The following GRID2 variants were observed in gnomAD, a reference collection of about 807,000 sequenced individuals.
GRID2 encodes glutamate receptor ionotropic, delta-2.
Under a neutral mutation model 114.8 loss-of-function variants are expected in GRID2, and 33 were observed. That is an observed-to-expected ratio of 0.29 (90% CI 0.22 to 0.38). GRID2 has a LOEUF of 0.38. Ranked by LOEUF, GRID2 falls within the 10% of genes least tolerant of loss-of-function variation. The pLI is 1.00. For synonymous variants in GRID2, 505 were observed against 449.9 expected, an observed-to-expected ratio of 1.12 and a Z score of -1.55; for missense variants, 1,184 against 1,257.7, an observed-to-expected ratio of 0.94 and a Z score of 0.89.
At chr4:92,562,024 T>C (rs1420354721) in intron 1 of GRID2, among the ~76,000 whole-genome samples, 4 of 152,208 alleles carry the variant, frequency 2.6e-5, no homozygotes, top group African/African-American at 9.7e-5. Flanking sequence ...TACAAATAAA[T>C]AACTTTGTTT....
intron 8 of GRID2, among the ~76,000 whole-genome samples, chr4:93,377,826 G>A (rs1168715842): frequency 6.6e-6 from 1 of 151,596 alleles, no homozygotes; most frequent in African/African-American, 2.4e-5. Context: ...ACTTGCTACA[G>A]TAACCTGGCA....
chr4:92,932,200 A>G (rs972453768), intron 2 of GRID2, among the ~76,000 whole-genome samples: 2 of 151,436 alleles, frequency 1.3e-5, no homozygotes, highest in African/African-American at 2.4e-5. Flanking sequence ...TATTTAAACA[A>G]CTTTTATGAG....
At chr4:93,755,111 A>G (rs1732634766) in intron 14 of GRID2, among the ~76,000 whole-genome samples, 1 of 152,182 alleles carries the variant, frequency 6.6e-6, no homozygotes, top group South Asian at 2.1e-4. Context: ...CCCTTTCATA[A>G]CAGCAACGTA....
At chr4:93,299,427 CGG>C (rs59896790) in intron 8 of GRID2, among the ~76,000 whole-genome samples, 1 of 149,742 alleles carries the variant, frequency 6.7e-6, no homozygotes, top group Non-Finnish European at 1.5e-5. Flanking sequence ...CTGTTTGAAA[CGG>C]GGAAAAAAAA....
chr4:93,616,066 C>G (rs1164220915), intron 13 of GRID2, among the ~76,000 whole-genome samples: 2 of 152,104 alleles, frequency 1.3e-5, no homozygotes, highest in African/African-American at 4.8e-5. Flanking sequence ...TCTAAAGGAG[C>G]TAGTTATCTC....
chr4:92,799,833 T>C (rs1740069311), intron 2 of GRID2, among the ~76,000 whole-genome samples: 2 of 152,022 alleles, frequency 1.3e-5, no homozygotes, highest in Admixed American at 6.6e-5. Context: ...AAAATTATTT[T>C]TGATAGACTA....
intron 2 of GRID2, among the ~76,000 whole-genome samples, chr4:92,924,081 A>G (rs888736372): frequency 6.6e-6 from 1 of 152,150 alleles, no homozygotes; most frequent in Non-Finnish European, 1.5e-5. Context: ...AAAAAAGGAT[A>G]AGTTCGTGTC....
chr4:93,655,035 C>T (rs1169466117), intron 14 of GRID2, among the ~76,000 whole-genome samples: 1 of 152,132 alleles, frequency 6.6e-6, no homozygotes, highest in Non-Finnish European at 1.5e-5. Flanking sequence ...CCCCATTTGG[C>T]TGCTCTTTTC....
In GRID2 at chr4:93,346,159, T is replaced by C. The variant is rs544209602; in HGVS notation, c.1246-49448T>C. On this transcript the variant is annotated intron_variant, in intron 8 of 15. Coordinates refer to ENST00000282020, the MANE Select transcript of GRID2 (RefSeq NM_001510.4). ...CTCCATGCAAATTTTAGGATTATTTTTCTTTTTTCTGTAGTTACCTTGAAT... is the reference window on the plus strand; with the variant it reads ...CTCCATGCAAATTTTAGGATTATTTCTCTTTTTTCTGTAGTTACCTTGAAT... Among the ~76,000 whole-genome samples, 23 of 152,290 alleles carry C rather than the reference T, an allele frequency of 1.5e-4. No individual in the cohort carries two copies. In the South Asian group the frequency reaches 3.1e-3, roughly 21 times the overall value.
At chr4:93,803,615 G>A (rs376458971) in intron 1 of GRID2, among the ~76,000 whole-genome samples, 9 of 152,144 alleles carry the variant, frequency 5.9e-5, no homozygotes, top group Admixed American at 3.9e-4. Context: ...CTAGCCACTC[G>A]GGAGGCTGAG....
chr4:93,786,969 G>C (rs1451024709), intron 1 of GRID2, among the ~76,000 whole-genome samples: 2 of 152,082 alleles, frequency 1.3e-5, no homozygotes, highest in Non-Finnish European at 2.9e-5. Flanking sequence ...AGTATAGTGA[G>C]AGGCCATTTT....
At chr4:93,181,445 T>A (rs1739887972) in intron 4 of GRID2, among the ~76,000 whole-genome samples, 1 of 152,178 alleles carries the variant, frequency 6.6e-6, no homozygotes, top group Non-Finnish European at 1.5e-5. Context: ...GGCTTCAACT[T>A]AAAGTCATCA....
chr4:92,355,287 A>G (rs914401767), intron 1 of GRID2, among the ~76,000 whole-genome samples: 84 of 151,654 alleles, frequency 5.5e-4, no homozygotes, highest in African/African-American at 1.9e-3. Flanking sequence ...ATTTTTTTTT[A>G]CCTCATTATT....
At chr4:93,386,986 A>G (rs1764378645) in intron 8 of GRID2, among the ~76,000 whole-genome samples, 1 of 152,184 alleles carries the variant, frequency 6.6e-6, no homozygotes, top group Non-Finnish European at 1.5e-5. Context: ...CAGACACTGC[A>G]GCACATTGTC....
At chr4:92,881,498 C>A (rs933384064) in intron 2 of GRID2, among the ~76,000 whole-genome samples, 1 of 152,124 alleles carries the variant, frequency 6.6e-6, no homozygotes, top group Non-Finnish European at 1.5e-5. Context: ...AATATTTCGT[C>A]TGCTTCCTTT....
chr4:93,265,092 T>A lies in GRID2; in HGVS notation c.1245+26602T>A, dbSNP rs550710746. Among the ~76,000 whole-genome samples, 203 of 152,142 alleles carry A rather than the reference T, an allele frequency of 1.3e-3. 3 individuals are homozygous for A. The highest frequency in any genetic ancestry group is 5.2e-3 in the South Asian group (25 of 4,816). On this transcript the variant is annotated intron_variant, in intron 8 of 15. Coordinates refer to ENST00000282020, the MANE Select transcript of GRID2 (RefSeq NM_001510.4). ...CACCGCGCCTGGCCTAATGTTATAA[T>A]TTTTTTATAAAATTAAAATTGCATA...
At chr4:93,005,748 C>A (rs576865575) in intron 2 of GRID2, among the ~76,000 whole-genome samples, 1 of 152,124 alleles carries the variant, frequency 6.6e-6, no homozygotes, top group South Asian at 2.1e-4. Flanking sequence ...ATACCTGCTA[C>A]AATGTGGATG....
intron 13 of GRID2, among the ~76,000 whole-genome samples, chr4:93,582,928 C>T (rs762015158): frequency 6.6e-6 from 1 of 152,094 alleles, no homozygotes; most frequent in Non-Finnish European, 1.5e-5. Context: ...TCTCAAAGTT[C>T]TGGAGGCTAG....
At chr4:92,737,936 C>A (rs1416067067) in intron 2 of GRID2, among the ~76,000 whole-genome samples, 1 of 152,036 alleles carries the variant, frequency 6.6e-6, no homozygotes, top group Non-Finnish European at 1.5e-5. Flanking sequence ...CTGTTAATTT[C>A]CCGGTAATTG....
Sources: allele counts gnomAD v4.1 joint callset (sites outside exome capture counted in the v4.1 genomes callset), GRCh38; gene constraint gnomAD v4.1.1; transcripts MANE v1.5; gene names NCBI Gene and HGNC (gene_info 2026-07-23, HGNC 2026-07-21).